The following ANHX variants were observed in gnomAD, a reference collection of about 807,000 sequenced individuals.
The protein encoded by ANHX is anomalous homeobox protein.
Under a neutral mutation model 38.9 loss-of-function variants are expected in ANHX, and 20 were observed. The observed-to-expected ratio is 0.51, with a 90% CI of 0.36 to 0.75. ANHX has a LOEUF of 0.75. Among genes scored for constraint, ANHX ranks in the 30% least tolerant of loss-of-function variants. The pLI is 0.00. For synonymous variants in ANHX, 185 were observed against 203.1 expected (o/e 0.91, Z 0.76); for missense variants, 475 against 493.1 (o/e 0.96, Z 0.35).
At chr12:133,233,057 C>T (rs1361360530) in intron 2 of ANHX, among the ~76,000 whole-genome samples, 1 of 152,214 alleles carries the variant, frequency 6.6e-6, no homozygotes, top group Non-Finnish European at 1.5e-5. Context: ...AGGCACTGGC[C>T]ACACGGAGAG....
At chr12:133,220,119 C>T (rs1376713933) in intron 8 of ANHX, among the ~76,000 whole-genome samples, 1 of 152,138 alleles carries the variant, frequency 6.6e-6, no homozygotes, top group South Asian at 2.1e-4. Flanking sequence ...GAGGAGGGTA[C>T]ATTGAAGACC....
At chr12:133,227,406 G>A (rs139674221) in intron 4 of ANHX, among the ~76,000 whole-genome samples, 2,024 of 152,328 alleles carry the variant, frequency 0.013, 56 homozygotes, top group African/African-American at 0.045. Context: ...CCCCCTGAGT[G>A]GGGCCCTTGC....
intron 2 of ANHX, 143 bp downstream of exon 2, chr12:133,233,965 G>T: frequency 9.1e-7 from 1 of 1,093,334 alleles, no homozygotes; most frequent in Non-Finnish European, 1.3e-6. Flanking sequence ...TGCCTCCCAG[G>T]TTTTTCCAAG....
chr12:133,228,321 C>T (rs1297208758), intron 3 of ANHX, among the ~76,000 whole-genome samples: 4 of 152,122 alleles, frequency 2.6e-5, no homozygotes, highest in South Asian at 2.1e-4. Context: ...TGTCCTCAGC[C>T]CATGGAGCTC....
chr12:133,222,038 T>C (rs1165789137), intron 7 of ANHX, among the ~76,000 whole-genome samples: 2 of 152,152 alleles, frequency 1.3e-5, no homozygotes, highest in African/African-American at 4.8e-5. Context: ...GTGGTCCTCC[T>C]TCCTGTACAG....
At chr12:133,224,983 A>C (rs1187293494) in intron 7 of ANHX, among the ~76,000 whole-genome samples, 1 of 151,754 alleles carries the variant, frequency 6.6e-6, no homozygotes, top group African/African-American at 2.4e-5. Flanking sequence ...AAAAACAAAA[A>C]CAAAAAAGAA....
Position 133,227,840 on chromosome 12 carries a change from G to A in ANHX, c.485C>T (p.Pro162Leu). Reference protein sequence around the residue: ...HNFAVGVNTNPSKAERENLAL... With the variant: ...HNFAVGVNTNLSKAERENLAL... ...TATTCTTACCCTCTCAGCCTTGCTGGGGTTGGTGTTCACCCCCACAGCGAA... is the reference window on the plus strand; with the variant it reads ...TATTCTTACCCTCTCAGCCTTGCTGAGGTTGGTGTTCACCCCCACAGCGAA... Residue 162 changes from proline (P) to leucine (L), a missense_variant, in exon 4 of 10, where the codon CCC (proline) becomes CTC (leucine). By Grantham distance (98) the Pro-to-Leu change is moderately conservative. Coordinates refer to ENST00000545940, the MANE Select transcript of ANHX (RefSeq NM_001372060.1). 2 of 1,535,432 alleles carry A rather than the reference G, an allele frequency of 1.3e-6. No homozygotes were observed. The highest frequency in any genetic ancestry group is 1.7e-6 in the Non-Finnish European group (2 of 1,146,660).
chr12:133,226,804 C>T (rs1199841756), intron 5 of ANHX, 132 bp downstream of exon 5: 3 of 932,752 alleles, frequency 3.2e-6, no homozygotes, highest in African/African-American at 1.7e-5. Flanking sequence ...GATCTTGCTC[C>T]CACAGAGTGA....
At chr12:133,231,849 T>C (rs968836962) in intron 2 of ANHX, among the ~76,000 whole-genome samples, 21 of 152,206 alleles carry the variant, frequency 1.4e-4, no homozygotes, top group Non-Finnish European at 2.8e-4. Flanking sequence ...GCTCCATTCC[T>C]AGCAGGCTCA....
At chr12:133,234,449 C>A in intron 1 of ANHX, 71 bp from the exon 2 acceptor site, 1 of 1,468,240 alleles carries the variant, frequency 6.8e-7, no homozygotes, top group South Asian at 1.4e-5. Flanking sequence ...TCGCCCAACC[C>A]ACTCTGCAAA....
Position 133,218,784 on chromosome 12 carries a change from T to C in ANHX, c.*101A>G. ...GCCCCCAGGGGAACTCTGGGGACCT[T>C]CATTTTGTATTCAGGATAAAGCTCT... On this transcript the variant is annotated 3_prime_UTR_variant, in exon 10 of 10. Transcript: ENST00000545940. The C allele has an allele frequency of 1.2e-6, 1 of 866,278 alleles. No homozygotes were observed. The highest frequency in any genetic ancestry group is 1.6e-6 in the Non-Finnish European group (1 of 624,034). The allele number at this position is 866,278 out of a possible 1,614,324, so 53.7% of individuals were successfully genotyped here.
At position 133,226,315 on chromosome 12, in the gene ANHX, T is replaced by G. The variant is rs190690288; in HGVS notation, c.839+3A>C. ...GATTCCATGGCCATGGAGATGACAG[T>G]ACCTGACATCCAGTGGCTTTGAGAC... On this transcript the variant is annotated splice_donor_region_variant and intron_variant, in intron 6 of 9. Coordinates refer to ENST00000545940, the MANE Select transcript of ANHX (RefSeq NM_001372060.1). The G allele has an allele frequency of 1.2e-4, 184 of 1,536,246 alleles. No individual in the cohort carries two copies. The highest frequency in any genetic ancestry group is 1.2e-4 in the Non-Finnish European group (143 of 1,146,912).
Position 133,221,383 on chromosome 12 carries a change from G to A in ANHX, c.1133-31C>T. The A allele has an allele frequency of 6.6e-7, 1 of 1,523,142 alleles. No individual in the cohort carries two copies. The highest frequency in any genetic ancestry group is 8.8e-7 in the Non-Finnish European group (1 of 1,139,880). 94.4% of individuals were successfully genotyped at this position (1,523,142 alleles called of 1,614,324 possible). On this transcript the variant is annotated intron_variant, in intron 7 of 9. Transcript: ENST00000545940. This position sits in a 1 kb window ranked among gnomAD's most constrained non-coding sequence, Gnocchi z 4.1. ...TGTAATGAGATTCCACGGCACACTG[G>A]CAGGAGAAAGGAGCAGAGCCCACGT...
rs1957178394 is a variant in ANHX at position 133,225,530 on chromosome 12, A to G, written c.1132+6T>C. 6.6e-6 allele frequency among the ~76,000 whole-genome samples: 1 copy of G among 152,162 alleles called. No individual in the cohort carries two copies. The highest frequency in any genetic ancestry group is 1.5e-5 in the Non-Finnish European group (1 of 68,042). ...GAAACTCATGGTCTGTCTGAAGTGG[A>G]CCCACCTGTAGGGCTGGGATCTCCA... is the stretch of plus-strand genomic sequence containing the variant. On this transcript the variant is annotated splice_donor_region_variant and intron_variant, in intron 7 of 9. Coordinates refer to ENST00000545940, the MANE Select transcript of ANHX (RefSeq NM_001372060.1).
rs1424490239 is a variant in ANHX at position 133,218,633 on chromosome 12, G to C, written c.*252C>G. 2.9e-6 allele frequency: 1 copy of C among 340,542 alleles called. No individual in the cohort carries two copies. The highest frequency in any genetic ancestry group is 2.1e-5 in the African/African-American group (1 of 47,248). The allele number at this position is 340,542 out of a possible 1,614,324, so 21.1% of individuals were successfully genotyped here. On this transcript the variant is annotated 3_prime_UTR_variant, in exon 10 of 10. Transcript: ENST00000545940. ...GCCCGACTGATCCAGTGCTGCGTGA[G>C]TGGGACAGACCCACCTTTGACTTCT...
intron 2 of ANHX, among the ~76,000 whole-genome samples, chr12:133,233,130 C>T (rs909312707): frequency 2.0e-5 from 3 of 152,180 alleles, no homozygotes; most frequent in East Asian, 1.9e-4. Context: ...GGAAACATCT[C>T]GGGAGTTGGA....
At chr12:133,223,952 A>C (rs1205605350) in intron 7 of ANHX, among the ~76,000 whole-genome samples, 1 of 152,192 alleles carries the variant, frequency 6.6e-6, no homozygotes, top group Non-Finnish European at 1.5e-5. Context: ...TTGTTAACCA[A>C]ACTTGAAGAC....
chr12:133,222,414 G>T (rs1957121439), intron 7 of ANHX, among the ~76,000 whole-genome samples: 1 of 152,134 alleles, frequency 6.6e-6, no homozygotes, highest in Non-Finnish European at 1.5e-5. Context: ...TACCCAGGCA[G>T]CAGCAGGGAA....
In ANHX at chr12:133,227,832, C is replaced by T. The variant is rs1437670815; in HGVS notation, c.493G>A (p.Ala165Thr). Residue 165 changes from alanine (A) to threonine (T), a missense_variant, in exon 4 of 10, where the codon GCT becomes ACT. Physicochemically the swap from Ala to Thr is moderately conservative, Grantham distance 58. Coordinates refer to ENST00000545940, the MANE Select transcript of ANHX (RefSeq NM_001372060.1). ...GTATCTTCTATTCTTACCCTCTCAG[C>T]CTTGCTGGGGTTGGTGTTCACCCCC... is the stretch of plus-strand genomic sequence containing the variant. ...AVGVNTNPSK[A>T]ERENLALETS... 3 of 1,535,240 alleles carry T rather than the reference C, an allele frequency of 2.0e-6. No homozygotes were observed. Among genetic ancestry groups the T allele is most frequent in the Non-Finnish European group, 2.6e-6 (3 of 1,146,576 alleles).
Sources: allele counts gnomAD v4.1 joint callset (sites outside exome capture counted in the v4.1 genomes callset), GRCh38; gene constraint gnomAD v4.1.1; non-coding constraint Gnocchi (gnomAD v3.1); transcripts MANE v1.5; gene names NCBI Gene and HGNC (gene_info 2026-07-23, HGNC 2026-07-21).